The following PARP14 variants were observed in gnomAD, a reference collection of about 807,000 sequenced individuals.
PARP14 encodes poly(ADP-ribose) polymerase family member 14.
Under a neutral mutation model 154.2 loss-of-function variants are expected in PARP14, and 59 were observed. The observed-to-expected ratio is 0.38, with a 90% CI of 0.31 to 0.48. The LOEUF (loss-of-function observed/expected upper bound fraction) is 0.48. Ranked by LOEUF, PARP14 falls within the 20% of genes least tolerant of loss-of-function variation. PARP14 has a pLI of 0.98. For synonymous variants in PARP14, 720 were observed against 780.5 expected, an observed-to-expected ratio of 0.92 and a Z score of 1.29; for missense variants, 1,734 against 2,131.6, an observed-to-expected ratio of 0.81 and a Z score of 3.67.
At chr3:122,702,640 C>T (rs929857148) in intron 6 of PARP14, among the ~76,000 whole-genome samples, 1 of 152,066 alleles carries the variant, frequency 6.6e-6, no homozygotes, top group Non-Finnish European at 1.5e-5. Context: ...GGTAATTTGC[C>T]CACATCCCCC....
intron 6 of PARP14, among the ~76,000 whole-genome samples, chr3:122,702,936 A>T (rs1233646295): frequency 6.7e-6 from 1 of 148,912 alleles, no homozygotes. Context: ...GGCTGCAGTG[A>T]ACTATGATCA....
At chr3:122,682,945 C>G (rs189625278) in intron 1 of PARP14, among the ~76,000 whole-genome samples, 54 of 152,186 alleles carry the variant, frequency 3.5e-4, no homozygotes, top group Admixed American at 2.9e-3. Flanking sequence ...GTCCCAGCTA[C>G]TCAGGAGGCT....
At chr3:122,725,568 A>G (rs2107656523) in intron 15 of PARP14, among the ~76,000 whole-genome samples, 1 of 152,210 alleles carries the variant, frequency 6.6e-6, no homozygotes, top group East Asian at 1.9e-4. Flanking sequence ...TACCAAAATT[A>G]TTATTAGCAA....
chr3:122,684,019 C>T (rs989377484), intron 1 of PARP14, among the ~76,000 whole-genome samples: 2 of 152,200 alleles, frequency 1.3e-5, no homozygotes, highest in Non-Finnish European at 2.9e-5. Context: ...AGATTAGAAG[C>T]TGGCGTTCCT....
rs911230237 is a variant in PARP14 at position 122,681,325 on chromosome 3, A to G, written c.187+255A>G. On this transcript the variant is annotated intron_variant, in intron 1 of 16. Coordinates refer to ENST00000474629, the MANE Select transcript of PARP14 (RefSeq NM_017554.3). This position sits in a 1 kb window ranked among gnomAD's most constrained non-coding sequence, Gnocchi z 5.5. ...AGGTGGCGGCGGAACCGCGCAAGTA[A>G]CTCTTTATCCCTCGATCGTTTTCTG... 5.9e-5 allele frequency among the ~76,000 whole-genome samples: 9 copies of G among 151,686 alleles called. No homozygotes were observed. Among genetic ancestry groups the G allele is most frequent in the Admixed American group, 5.9e-4 (9 of 15,260 alleles).
chr3:122,718,907 A>G lies in PARP14; in HGVS notation c.4756A>G (p.Thr1586Ala). The G allele has an allele frequency of 1.9e-6, 3 of 1,612,958 alleles. No homozygotes were observed. The highest frequency in any genetic ancestry group is 2.5e-6 in the Non-Finnish European group (3 of 1,179,438). Residue 1586 changes from threonine to alanine, a missense_variant, in exon 14 of 17, where the codon ACA becomes GCA. Around this residue, in one of 2 missense-constraint regions of PARP14, gnomAD observed 1,646 missense variants for 1,976.0 expected, o/e 0.83. Coordinates refer to ENST00000474629, the MANE Select transcript of PARP14 (RefSeq NM_017554.3). ...YTVNLNTYTA[T>A]DTKGHSLSVQ... ...AGTGAACTTGAACACATACACTGCCACAGACACAAAGGGCCACAGTTTATC... is the reference window on the plus strand; with the variant it reads ...AGTGAACTTGAACACATACACTGCCGCAGACACAAAGGGCCACAGTTTATC...
chr3:122,683,246 G>A lies in PARP14; in HGVS notation c.188-1939G>A, dbSNP rs372459777. 7 of 958,900 alleles carry A rather than the reference G, an allele frequency of 7.3e-6. No individual in the cohort carries two copies. In the African/African-American group the frequency reaches 1.2e-4, roughly 17 times the overall value. 59.4% of individuals were successfully genotyped at this position (958,900 alleles called of 1,614,324 possible). On this transcript the variant is annotated intron_variant, in intron 1 of 16. Coordinates refer to ENST00000474629, the MANE Select transcript of PARP14 (RefSeq NM_017554.3). Reference sequence around the variant, plus strand: ...GACCTACGCTTGAAGTCCCAGAAGTGCATTCTTCTTCTGCAGAGGACACTC... The same window carrying A: ...GACCTACGCTTGAAGTCCCAGAAGTACATTCTTCTTCTGCAGAGGACACTC...
At chr3:122,707,567 G>T (rs931110564) in intron 8 of PARP14, among the ~76,000 whole-genome samples, 7 of 152,154 alleles carry the variant, frequency 4.6e-5, no homozygotes, top group Admixed American at 2.0e-4. Context: ...GAGGCCAGAA[G>T]TTCAAGACCA....
In PARP14 at chr3:122,699,578, G is replaced by C; in HGVS notation, c.1024G>C (p.Glu342Gln). ...KFLQKKNHLI[E>Q]EINDEMRRCH... is the part of the protein sequence containing the mutation. The stretch of plus-strand genomic sequence containing the variant: ...CTTACAGAAAAAGAATCACCTCATT[G>C]AGGAGATAAACGATGAAATGAGGCG... Residue 342 changes from glutamate (E) to glutamine (Q), a missense_variant, in exon 6 of 17, where the codon GAG (glutamate) becomes CAG (glutamine). This residue lies in a region of PARP14 where 1,646 missense variants were observed against 1,976.0 expected (regional missense o/e 0.83). Coordinates refer to ENST00000474629, the MANE Select transcript of PARP14 (RefSeq NM_017554.3). The C allele has an allele frequency of 6.2e-7, 1 of 1,613,922 alleles. No homozygotes were observed. The highest frequency in any genetic ancestry group is 8.5e-7 in the Non-Finnish European group (1 of 1,179,830).
intron 9 of PARP14, among the ~76,000 whole-genome samples, chr3:122,711,558 AT>A (rs1331134432): frequency 3.3e-5 from 5 of 151,586 alleles, no homozygotes; most frequent in African/African-American, 1.2e-4. Context: ...TTTTTGTTGT[AT>A]CCTTTCTTGG....
intron 5 of PARP14, among the ~76,000 whole-genome samples, chr3:122,697,949 A>T (rs1391608160): frequency 6.6e-6 from 1 of 152,196 alleles, no homozygotes; most frequent in African/African-American, 2.4e-5. Flanking sequence ...ATCTTGGCCG[A>T]GTTACTTTAA....
Position 122,699,397 on chromosome 3 carries a change from C to T in PARP14, c.843C>T (p.Asp281=). The stretch of plus-strand genomic sequence containing the variant: ...TACTTCTTTCCTTTTAAGTGTTAGA[C>T]ACCATCATGGCCACAAAACTCGACT... ...LIEFFDRKVL[D]TIMATKLDFN... is the part of the protein sequence containing the mutation. The change falls in exon 6 of 17, where the codon GAC becomes GAT. Residue 281 remains aspartate, a synonymous_variant. Transcript: ENST00000474629. The T allele has an allele frequency of 6.3e-7, 1 of 1,599,934 alleles. No homozygotes were observed. The highest frequency in any genetic ancestry group is 8.5e-7 in the Non-Finnish European group (1 of 1,170,802).
At position 122,692,319 on chromosome 3, in the gene PARP14, A is replaced by T. The variant is rs201392531; in HGVS notation, c.374A>T (p.Asp125Val). 1.9e-6 allele frequency: 3 copies of T among 1,612,076 alleles called. No homozygotes were observed. Among genetic ancestry groups the T allele is most frequent in the Admixed American group, 3.3e-5 (2 of 59,978 alleles). ...AAATCAGATGTGTCAGAAGAATTGG[A>T]TACAAAACTCCCTCTTGATGGTGGA... is the stretch of plus-strand genomic sequence containing the variant. ...VKEPDVSEELDTKLPLDGGLD... is the reference protein window; with the variant it reads ...VKEPDVSEELVTKLPLDGGLD... The change falls in exon 4 of 17, where the codon GAT (aspartate) becomes GTT (valine). Residue 125 changes from aspartate to valine, a missense_variant. Asp to Val is a radical substitution (Grantham distance 152, BLOSUM62 -3). Transcript: ENST00000474629.
chr3:122,727,643 A>G (rs901773499), intron 15 of PARP14, among the ~76,000 whole-genome samples, 169 bp from the exon 16 acceptor site: 6 of 152,242 alleles, frequency 3.9e-5, no homozygotes, highest in African/African-American at 1.4e-4. Flanking sequence ...GCCTGTTTTT[A>G]TGAAACACTG....
In PARP14 at chr3:122,681,181, T is replaced by G; in HGVS notation, c.187+111T>G. On this transcript the variant is annotated intron_variant, in intron 1 of 16. Coordinates refer to ENST00000474629, the MANE Select transcript of PARP14 (RefSeq NM_017554.3). This position sits in a 1 kb window ranked among gnomAD's most constrained non-coding sequence, Gnocchi z 5.5. ...ACCCGCCCGACTTCGGCGGCTGCTG[T>G]AGCGGAGGTGGCCGGGGCGGGGGCG... is the stretch of plus-strand genomic sequence containing the variant. The G allele has an allele frequency of 4.0e-6, 1 of 251,256 alleles. No homozygotes were observed. Among genetic ancestry groups the G allele is most frequent in the Non-Finnish European group, 7.5e-6 (1 of 132,692 alleles). The allele number at this position is 251,256 out of a possible 1,614,324, so 15.6% of individuals were successfully genotyped here.
At chr3:122,683,370 G>A (rs763973826) in intron 1 of PARP14, 38 of 667,858 alleles carry the variant, frequency 5.7e-5, no homozygotes, top group Non-Finnish European at 6.9e-5. Context: ...ACAAGAATGA[G>A]CCCACCAGCA....
chr3:122,702,993 T>TAAA (rs10707029), intron 6 of PARP14, among the ~76,000 whole-genome samples: 4 of 83,942 alleles, frequency 4.8e-5, no homozygotes, highest in African/African-American at 1.3e-4. Context: ...CCCTCTCTCT[T>TAAA]AAAAAAAAAA....
Position 122,728,897 on chromosome 3 carries a change from T to A in PARP14, c.*300T>A, listed in dbSNP as rs1436325127. 1.8e-5 allele frequency: 6 copies of A among 336,060 alleles called. No homozygotes were observed. Among genetic ancestry groups the A allele is most frequent in the South Asian group, 2.9e-5 (1 of 34,440 alleles). 20.8% of individuals were successfully genotyped at this position (336,060 alleles called of 1,614,324 possible). On this transcript the variant is annotated 3_prime_UTR_variant, in exon 17 of 17. Coordinates refer to ENST00000474629, the MANE Select transcript of PARP14 (RefSeq NM_017554.3). ...GTTTGTATTTTCAGGAAGGAGAGAA[T>A]AACAGTCTTATAGACAGAGGGCACA...
intron 1 of PARP14, chr3:122,683,350 T>C (rs1369542281): frequency 2.2e-6 from 2 of 922,592 alleles, no homozygotes; most frequent in Non-Finnish European, 2.6e-6. Flanking sequence ...TAAACTGTAA[T>C]AGGCAGATAA....
Sources: gnomAD v4.1 joint callset for allele counts (sites outside exome capture counted in the v4.1 genomes callset) on GRCh38, gnomAD v4.1.1 for gene constraint, gnomAD v4.1.1 regional missense constraint, Gnocchi (gnomAD v3.1) non-coding constraint, MANE v1.5 for transcripts, NCBI Gene and HGNC (gene_info 2026-07-23, HGNC 2026-07-21) for gene names.